TTC28: variants seen among roughly 807,000 people sequenced by gnomAD.
TTC28 encodes the protein tetratricopeptide repeat domain 28.
A neutral mutation model predicts 198.0 loss-of-function variants in TTC28; 61 were observed. That is an observed-to-expected ratio of 0.31 (90% CI 0.25 to 0.38). The LOEUF is 0.38. TTC28 is among the 10% of genes least tolerant of loss of function. The probability of loss-of-function intolerance (pLI) is 1.00; values close to 1 mark genes in which losing one functional copy is unlikely to be tolerated. For missense variants in TTC28, 2,678 were observed against 3,164.0 expected (o/e 0.85, Z 3.69); for synonymous variants, 1,171 against 1,297.8 (o/e 0.90, Z 2.10).
Position 28,107,756 on chromosome 22 carries a change from G to C in TTC28, c.2089C>G (p.Gln697Glu). 6.4e-7 allele frequency: 1 copy of C among 1,551,974 alleles called. No individual in the cohort carries two copies. Among genetic ancestry groups the C allele is most frequent in the Non-Finnish European group, 8.7e-7 (1 of 1,147,046 alleles). Residue 697 changes from glutamine (Q) to glutamate (E), a missense_variant, in exon 7 of 23, where the codon CAG becomes GAG. Gln to Glu is a conservative substitution (Grantham distance 29). Transcript: ENST00000397906. ...TGGGCTAGGGACAGTAGGTACTTCT[G>C]ACACTCTTCAGCTTTACTGAAATTC... ...LLNFSKAEEC[Q>E]KYLLSLAQSL...
intron 2 of TTC28, among the ~76,000 whole-genome samples, chr22:28,500,244 G>T (rs1054650527): frequency 5.3e-5 from 8 of 152,024 alleles, no homozygotes; most frequent in African/African-American, 1.9e-4. Context: ...CTACAAATTT[G>T]CCAGTTGTGA....
At chr22:28,021,052 G>A (rs539216451) in intron 13 of TTC28, among the ~76,000 whole-genome samples, 1 of 152,202 alleles carries the variant, frequency 6.6e-6, no homozygotes, top group Non-Finnish European at 1.5e-5. Flanking sequence ...GGTCTCCCAC[G>A]TGAAGAACAC....
intron 2 of TTC28, among the ~76,000 whole-genome samples, chr22:28,364,621 T>C (rs1185491662): frequency 6.6e-6 from 1 of 152,176 alleles, no homozygotes; most frequent in Non-Finnish European, 1.5e-5. Context: ...TCAACATTAA[T>C]GGAAGTTTGG....
chr22:28,677,198 A>ATG, intron 1 of TTC28, among the ~76,000 whole-genome samples: 1 of 111,492 alleles, frequency 9.0e-6, no homozygotes, highest in Admixed American at 9.5e-5. Context: ...ATATATATAT[A>ATG]TATACACACA....
intron 2 of TTC28, among the ~76,000 whole-genome samples, chr22:28,333,574 A>G (rs914521795): frequency 2.4e-4 from 36 of 152,136 alleles, no homozygotes; most frequent in African/African-American, 8.7e-4. Flanking sequence ...CTGTTCTGCC[A>G]ATCTTCAATT....
At chr22:28,118,155 T>A (rs1225422213) in intron 6 of TTC28, among the ~76,000 whole-genome samples, 3 of 152,130 alleles carry the variant, frequency 2.0e-5, no homozygotes, top group African/African-American at 4.8e-5. Context: ...TCCCAACACT[T>A]TGGGAGGCCA....
intron 2 of TTC28, among the ~76,000 whole-genome samples, chr22:28,472,301 C>T (rs2048106179): frequency 1.3e-5 from 2 of 152,078 alleles, no homozygotes; most frequent in Admixed American, 6.5e-5. Flanking sequence ...CTTTATAAAG[C>T]ATAATGGTAA....
rs1943083255 is a variant in TTC28, at chr22:28,132,495, C to A, written c.1442-24092G>T. 2.0e-5 allele frequency among the ~76,000 whole-genome samples: 3 copies of A among 152,256 alleles called. No individual in the cohort carries two copies. The South Asian group carries it at 6.2e-4, about 32-fold the overall frequency. On this transcript the variant is annotated intron_variant, in intron 6 of 22. Transcript: ENST00000397906. Reference sequence around the variant, plus strand: ...ATCTCATGTTAGTCAAAAAGCCTCCCAAAACATTACTTTTTTCATCAGTAA... The same window carrying A: ...ATCTCATGTTAGTCAAAAAGCCTCCAAAAACATTACTTTTTTCATCAGTAA...
At chr22:27,999,579 C>A (rs1937618904) in intron 15 of TTC28, 1 of 325,984 alleles carries the variant, frequency 3.1e-6, no homozygotes, top group East Asian at 6.1e-5. Context: ...CCAGCCTGCT[C>A]CACAATCCTC....
intron 2 of TTC28, among the ~76,000 whole-genome samples, chr22:28,408,696 A>T (rs1469209738): frequency 1.3e-5 from 2 of 152,210 alleles, no homozygotes; most frequent in Non-Finnish European, 2.9e-5. Flanking sequence ...GCCCCAACTT[A>T]CATTTTAAAA....
chr22:27,985,145 T>C, intron 22 of TTC28, 104 bp downstream of exon 22: 2 of 813,142 alleles, frequency 2.5e-6, no homozygotes, highest in Non-Finnish European at 3.9e-6. Flanking sequence ...CAAAAAATGT[T>C]GATTCACTTT....
intron 2 of TTC28, among the ~76,000 whole-genome samples, chr22:28,499,326 T>C (rs1332907130): frequency 6.6e-6 from 1 of 152,172 alleles, no homozygotes; most frequent in East Asian, 1.9e-4. Context: ...AAAGAAAAAG[T>C]AAACTTTGCT....
chr22:28,510,573 G>A (rs1328219576), intron 2 of TTC28, among the ~76,000 whole-genome samples: 2 of 152,076 alleles, frequency 1.3e-5, no homozygotes, highest in Non-Finnish European at 2.9e-5. Flanking sequence ...TACTGAATGG[G>A]CAAAGGCTGG....
At chr22:28,135,587 T>C (rs943621196) in intron 6 of TTC28, among the ~76,000 whole-genome samples, 1 of 152,146 alleles carries the variant, frequency 6.6e-6, no homozygotes, top group Non-Finnish European at 1.5e-5. Context: ...AGAAAATCAC[T>C]GATGACTTTA....
chr22:28,025,636 T>G (rs544340447), intron 13 of TTC28, among the ~76,000 whole-genome samples: 2 of 152,156 alleles, frequency 1.3e-5, no homozygotes, highest in South Asian at 4.1e-4. Context: ...CCCAGCATTT[T>G]GGGAGGCCAA....
In TTC28 at chr22:28,468,727, C is replaced by T. The variant is rs537555463; in HGVS notation, c.381+160825G>A. On this transcript the variant is annotated intron_variant, in intron 2 of 22. Transcript: ENST00000397906. ...TTTTTTTTTGTATTTTTAGTAGAGA[C>T]GGGGTTTCATCCTGTTAGCCAGGAT... 7.1e-3 allele frequency among the ~76,000 whole-genome samples: 928 copies of T among 131,042 alleles called. 5 individuals are homozygous for T. Among genetic ancestry groups the T allele is most frequent in the African/African-American group, 0.014 (513 of 35,570 alleles). 86.0% of individuals were successfully genotyped at this position (131,042 alleles called of 152,430 possible).
In TTC28 at chr22:28,543,132, T is replaced by C. The variant is rs1377945089; in HGVS notation, c.381+86420A>G. Among the ~76,000 whole-genome samples, 4 of 152,122 alleles carry C rather than the reference T, an allele frequency of 2.6e-5. No individual in the cohort carries two copies. In the East Asian group the frequency reaches 7.7e-4, roughly 29 times the overall value. On this transcript the variant is annotated intron_variant, in intron 2 of 22. Coordinates refer to ENST00000397906, the MANE Select transcript of TTC28 (RefSeq NM_001145418.2). ...TGAGGACTGCTTGAGTCCACGAGTC[T>C]GAGACCAGCCTGGGCAACACAGCAA...
At chr22:28,531,222 A>C (rs1311678993) in intron 2 of TTC28, among the ~76,000 whole-genome samples, 1 of 152,234 alleles carries the variant, frequency 6.6e-6, no homozygotes, top group Non-Finnish European at 1.5e-5. Flanking sequence ...AGATCTACCA[A>C]GCAAATGGAA....
chr22:27,989,168 C>G (rs1937311741), intron 21 of TTC28, among the ~76,000 whole-genome samples: 1 of 152,182 alleles, frequency 6.6e-6, no homozygotes. Flanking sequence ...GGAGTCACAC[C>G]TGCACGTTAC....
Sources: allele counts gnomAD v4.1 joint callset (sites outside exome capture counted in the v4.1 genomes callset), GRCh38; gene constraint gnomAD v4.1.1; transcripts MANE v1.5; gene names NCBI Gene and HGNC (gene_info 2026-07-23, HGNC 2026-07-21).